HIVEP3: variants seen among roughly 807,000 people sequenced by gnomAD.
The protein encoded by HIVEP3 is transcription factor HIVEP3.
HIVEP3 carries 49 observed loss-of-function variants against 152.8 expected under a neutral mutation model. That is an observed-to-expected ratio of 0.32 (90% CI 0.26 to 0.41). The LOEUF (loss-of-function observed/expected upper bound fraction) is 0.41, where lower values mean the gene tolerates loss of function less well. HIVEP3 is among the 10% of genes least tolerant of loss of function. The pLI, the probability that HIVEP3 is intolerant of heterozygous loss-of-function variation, is 1.00. For missense variants in HIVEP3, 2,790 were observed against 3,103.3 expected (o/e 0.90, Z 2.40); for synonymous variants, 1,269 against 1,289.0 (o/e 0.98, Z 0.33).
chr1:41,530,487 G>T (rs1643212992), intron 5 of HIVEP3, among the ~76,000 whole-genome samples: 1 of 152,208 alleles, frequency 6.6e-6, no homozygotes, highest in Non-Finnish European at 1.5e-5. Context: ...CTGAGATGGG[G>T]CCCCCTTTCC....
intron 2 of HIVEP3, among the ~76,000 whole-genome samples, chr1:41,673,690 T>C (rs1222055413): frequency 6.6e-6 from 1 of 152,184 alleles, no homozygotes; most frequent in Non-Finnish European, 1.5e-5. Context: ...TCTGGCAGGG[T>C]ATTTTTGAGG....
At chr1:41,611,467 C>T (rs947102084) in intron 3 of HIVEP3, among the ~76,000 whole-genome samples, 1 of 152,224 alleles carries the variant, frequency 6.6e-6, no homozygotes, top group Admixed American at 6.5e-5. Flanking sequence ...GTCCTCAGAA[C>T]GAGCCTATCA....
At chr1:41,683,167 C>T (rs1007183719) in intron 2 of HIVEP3, among the ~76,000 whole-genome samples, 7 of 152,216 alleles carry the variant, frequency 4.6e-5, no homozygotes, top group Admixed American at 4.6e-4. Context: ...AGGGAACCTG[C>T]ACTTTAAGGC....
intron 1 of HIVEP3, among the ~76,000 whole-genome samples, chr1:41,718,778 A>C (rs893137160): frequency 1.5e-4 from 19 of 123,372 alleles, no homozygotes; most frequent in African/African-American, 4.4e-4. Flanking sequence ...TCACACCCAC[A>C]CACACACACA....
chr1:41,849,393 G>GCT (rs1398330800), intron 1 of HIVEP3, among the ~76,000 whole-genome samples: 1 of 152,160 alleles, frequency 6.6e-6, no homozygotes, highest in African/African-American at 2.4e-5. Context: ...AATTACATCA[G>GCT]TCTCCCCAGA....
rs7555860 is a variant in HIVEP3, at chr1:41,511,536, T to C, written c.6406-270A>G. Among the ~76,000 whole-genome samples, 2,240 of 152,218 alleles carry C rather than the reference T, an allele frequency of 0.015. 65 individuals carry two copies. Among genetic ancestry groups the C allele is most frequent in the African/African-American group, 0.051 (2,116 of 41,536 alleles). Reference sequence around the variant, plus strand: ...ATGCCTCTAGCCAGCATATCTGTCTTCAAAGGAGGGGATACTTGAGCGACG... The same window carrying C: ...ATGCCTCTAGCCAGCATATCTGTCTCCAAAGGAGGGGATACTTGAGCGACG... On this transcript the variant is annotated intron_variant, in intron 8 of 8. Coordinates refer to ENST00000372583, the MANE Select transcript of HIVEP3 (RefSeq NM_024503.5). The surrounding 1 kb of genome is among the most constrained non-coding windows in gnomAD (Gnocchi z 4.9).
At chr1:41,779,849 G>A (rs1358821184) in intron 1 of HIVEP3, among the ~76,000 whole-genome samples, 2 of 152,156 alleles carry the variant, frequency 1.3e-5, no homozygotes, top group Non-Finnish European at 2.9e-5. Context: ...TTGCTGCATG[G>A]GGAGAAAGTG....
chr1:41,539,335 C>T (rs751167222), intron 5 of HIVEP3, among the ~76,000 whole-genome samples: 2 of 152,212 alleles, frequency 1.3e-5, no homozygotes, highest in African/African-American at 4.8e-5. Flanking sequence ...TCCAGCTCCT[C>T]CTTCACACAA....
rs146524970 is a variant in HIVEP3, at chr1:41,956,412, A to G, written n.120-37888T>C. On this transcript the variant is annotated intron_variant and non_coding_transcript_variant, in intron 1 of 3. Coordinates refer to the HIVEP3 transcript ENST00000489103. The stretch of plus-strand genomic sequence containing the variant: ...AGGCTGATCCTAAGCAAGAAAAACA[A>G]TACTCCCTAGGTCAGGATCTCTGTA... Among the ~76,000 whole-genome samples, 130 of 152,318 alleles carry G rather than the reference A, an allele frequency of 8.5e-4. 1 individual carries two copies. In the East Asian group the frequency reaches 0.024, roughly 28 times the overall value.
chr1:41,679,070 C>A (rs1645999390), intron 2 of HIVEP3, among the ~76,000 whole-genome samples: 1 of 152,316 alleles, frequency 6.6e-6, no homozygotes, highest in Admixed American at 6.5e-5. Flanking sequence ...TCTCAAGGAT[C>A]CTGGGTGGGA....
intron 1 of HIVEP3, chr1:41,849,128 G>C (rs1171609344): frequency 1.3e-5 from 2 of 152,264 alleles, no homozygotes; most frequent in African/African-American, 4.8e-5. Context: ...GGCAGTCCTG[G>C]GTGATCTGGA....
At chr1:41,938,814 C>T (rs1027856211) in intron 1 of HIVEP3, among the ~76,000 whole-genome samples, 1 of 152,216 alleles carries the variant, frequency 6.6e-6, no homozygotes, top group African/African-American at 2.4e-5. Context: ...CTGAGTCCTA[C>T]TCTAGGAATT....
intron 1 of HIVEP3, among the ~76,000 whole-genome samples, chr1:41,827,517 G>A (rs546953953): frequency 1.3e-5 from 2 of 152,230 alleles, no homozygotes; most frequent in Non-Finnish European, 2.9e-5. Flanking sequence ...TGCTGGGGAG[G>A]GGGTGGGCTG....
intron 1 of HIVEP3, among the ~76,000 whole-genome samples, chr1:41,993,070 A>T (rs1265098428): frequency 1.3e-5 from 2 of 150,996 alleles, no homozygotes; most frequent in African/African-American, 4.9e-5. Context: ...AGGCAATACC[A>T]TTCAGGACAT....
intron 1 of HIVEP3, among the ~76,000 whole-genome samples, chr1:41,908,758 C>T (rs974956197): frequency 6.6e-6 from 1 of 152,118 alleles, no homozygotes; most frequent in African/African-American, 2.4e-5. Flanking sequence ...ATTCAGTGAG[C>T]AAAAACTAAG....
intron 1 of HIVEP3, among the ~76,000 whole-genome samples, chr1:42,007,307 G>A (rs938613367): frequency 6.6e-6 from 1 of 152,190 alleles, no homozygotes; most frequent in Admixed American, 6.5e-5. Flanking sequence ...CTTCAAGTGT[G>A]AGCATTTTGA....
chr1:41,857,813 T>G (rs1643809568), intron 1 of HIVEP3, among the ~76,000 whole-genome samples: 1 of 152,178 alleles, frequency 6.6e-6, no homozygotes, highest in Admixed American at 6.5e-5. Context: ...CTCTCTAAGC[T>G]AGAAGACTGG....
intron 1 of HIVEP3, among the ~76,000 whole-genome samples, chr1:41,713,568 A>T (rs1646546151): frequency 6.6e-6 from 1 of 152,220 alleles, no homozygotes; most frequent in South Asian, 2.1e-4. Flanking sequence ...CTGCAAAATT[A>T]TATGGTGATT....
chr1:41,897,937 G>C (rs992112393), intron 1 of HIVEP3, among the ~76,000 whole-genome samples: 1 of 104,822 alleles, frequency 9.5e-6, no homozygotes, highest in Non-Finnish European at 1.9e-5. Context: ...CTGAGAGAGA[G>C]GGAGAGAGAG....
Sources: allele counts gnomAD v4.1 joint callset (sites outside exome capture counted in the v4.1 genomes callset), GRCh38; gene constraint gnomAD v4.1.1; non-coding constraint Gnocchi (gnomAD v3.1); transcripts MANE v1.5; gene names NCBI Gene and HGNC (gene_info 2026-07-23, HGNC 2026-07-21).